Variants in HEATR4 observed in about 807,000 individuals in gnomAD.
The protein encoded by HEATR4 is HEAT repeat containing 4.
HEATR4 carries 95 observed loss-of-function variants against 108.8 expected under a neutral mutation model. That is an observed-to-expected ratio of 0.87 (90% CI 0.74 to 1.04). The LOEUF is 1.04. Among genes scored for constraint, HEATR4 ranks in the 50% least tolerant of loss-of-function variants. The probability of loss-of-function intolerance (pLI) is 0.00; values close to 1 mark genes in which losing one functional copy is unlikely to be tolerated. For synonymous variants in HEATR4, 443 were observed against 459.4 expected (o/e 0.96, Z 0.46); for missense variants, 1,152 against 1,253.8 (o/e 0.92, Z 1.23).
At chr14:73,535,700 C>T (rs71426979) in intron 1 of HEATR4, among the ~76,000 whole-genome samples, 37,331 of 109,810 alleles carry the variant, frequency 0.34, 14,434 homozygotes, top group Admixed American at 0.49. Context: ...AGGATGGTGT[C>T]GATCTGCTGA....
chr14:73,558,476 T>C (rs1889441340), intron 1 of HEATR4, among the ~76,000 whole-genome samples: 1 of 135,360 alleles, frequency 7.4e-6, no homozygotes, highest in Non-Finnish European at 1.6e-5. Flanking sequence ...CCCACATAGC[T>C]GGGAGCATAG....
chr14:73,573,450 C>T, the HEATR4 span: 190 of 1,613,688 alleles, frequency 1.2e-4, no homozygotes, highest in Middle Eastern at 1.6e-4. Flanking sequence ...GCTGGAGTAT[C>T]GGGCTAGTCT....
At chr14:73,503,449 A>C (rs1211558847) in intron 10 of HEATR4, among the ~76,000 whole-genome samples, 1 of 152,152 alleles carries the variant, frequency 6.6e-6, no homozygotes, top group African/African-American at 2.4e-5. Context: ...ACAGTTGGTC[A>C]CTCTATAAGT....
the HEATR4 span, among the ~76,000 whole-genome samples, chr14:73,608,237 C>G: frequency 6.6e-6 from 1 of 152,180 alleles, no homozygotes; most frequent in Non-Finnish European, 1.5e-5. Flanking sequence ...TTTTTCTTTT[C>G]TATAGCATAG....
In HEATR4 at chr14:73,500,712, T is replaced by G; in HGVS notation, c.2124A>C (p.Gly708=). Residue 708 remains glycine (G), a synonymous_variant, in exon 12 of 18, where the codon GGA becomes GGC. Transcript: ENST00000553558. Reference sequence around the variant, plus strand: ...GAGCTTCCACACGCTCCTGGGAATTTCCTTGACCTAGCTTGACCCTGTAAG... The same window carrying G: ...GAGCTTCCACACGCTCCTGGGAATTGCCTTGACCTAGCTTGACCCTGTAAG... ...HDIIRVKLGQ[G]NSQERVEALY... is the part of the protein sequence containing the mutation. 6.2e-7 allele frequency: 1 copy of G among 1,614,000 alleles called. No individual in the cohort carries two copies. The highest frequency in any genetic ancestry group is 1.1e-5 in the South Asian group (1 of 91,076).
At chr14:73,595,461 C>G in the HEATR4 span, 1 of 1,614,226 alleles carries the variant, frequency 6.2e-7, no homozygotes, top group Non-Finnish European at 8.5e-7. Context: ...TACCCTGGGA[C>G]TGGGCATTAC....
chr14:73,591,177 G>A, the HEATR4 span, among the ~76,000 whole-genome samples: 6 of 152,140 alleles, frequency 3.9e-5, no homozygotes, highest in East Asian at 3.8e-4. Context: ...AGCCTGGGAG[G>A]TGGAGGCTGC....
the HEATR4 span, among the ~76,000 whole-genome samples, chr14:73,597,305 C>T: frequency 1.3e-5 from 2 of 151,478 alleles, no homozygotes; most frequent in East Asian, 2.0e-4. Context: ...AGGATGGTCT[C>T]GATCTCCTGA....
chr14:73,493,400 T>C (rs972644866), intron 16 of HEATR4: 3 of 373,760 alleles, frequency 8.0e-6, no homozygotes, highest in Non-Finnish European at 1.5e-5. Context: ...ATGTTTCCCT[T>C]TCCTAAGGCT....
In HEATR4 at chr14:73,534,878, C is replaced by T. The variant is rs1333311391; in HGVS notation, c.-151-4634G>A. Among the ~76,000 whole-genome samples, 4 of 106,920 alleles carry T rather than the reference C, an allele frequency of 3.7e-5. 1 individual carries two copies. The highest frequency in any genetic ancestry group is 1.2e-4 in the African/African-American group (4 of 32,742). 70.1% of individuals were successfully genotyped at this position (106,920 alleles called of 152,430 possible). ...GCTGGTATCGAATTCCTCCTGGGCTCAAGCAATCTCCTGCCTAGGCCTCCC... is the reference window on the plus strand; with the variant it reads ...GCTGGTATCGAATTCCTCCTGGGCTTAAGCAATCTCCTGCCTAGGCCTCCC... On this transcript the variant is annotated intron_variant, in intron 1 of 17. Transcript: ENST00000553558.
the HEATR4 span, chr14:73,595,153 T>C: frequency 2.5e-6 from 4 of 1,614,254 alleles, no homozygotes; most frequent in Non-Finnish European, 3.4e-6. Context: ...TTTCCATCAA[T>C]GGATCTGGGA....
the HEATR4 span, chr14:73,575,166 A>T: frequency 2.5e-5 from 29 of 1,169,888 alleles, no homozygotes; most frequent in Non-Finnish European, 3.3e-5. Context: ...TGACCAGAAG[A>T]GCTTCATTCC....
At chr14:73,567,454 G>A in the HEATR4 span, among the ~76,000 whole-genome samples, 38 of 152,028 alleles carry the variant, frequency 2.5e-4, no homozygotes, top group African/African-American at 8.4e-4. Context: ...GTTTGTAAAC[G>A]CACCAATCAG....
chr14:73,569,727 C>A, the HEATR4 span: 1 of 1,609,488 alleles, frequency 6.2e-7, no homozygotes, highest in East Asian at 2.2e-5. Context: ...CGTGCGAACG[C>A]CCTTGGCCGT....
chr14:73,592,149 C>G, the HEATR4 span: 6 of 1,593,414 alleles, frequency 3.8e-6, no homozygotes, highest in Non-Finnish European at 5.1e-6. Flanking sequence ...GGACCTGGAG[C>G]GCGCACCCGC....
the HEATR4 span, among the ~76,000 whole-genome samples, chr14:73,568,362 A>C: frequency 1.3e-5 from 2 of 151,774 alleles, no homozygotes; most frequent in African/African-American, 4.8e-5. Context: ...GAAAAAAAAA[A>C]ACACCACACC....
At chr14:73,572,743 T>G in the HEATR4 span, among the ~76,000 whole-genome samples, 1 of 148,592 alleles carries the variant, frequency 6.7e-6, no homozygotes, top group Non-Finnish European at 1.5e-5. Flanking sequence ...CCTCCCGGGT[T>G]CAAGCGATTC....
chr14:73,498,891 G>C (rs1007917637), intron 13 of HEATR4, among the ~76,000 whole-genome samples, 180 bp downstream of exon 13: 4 of 152,136 alleles, frequency 2.6e-5, no homozygotes, highest in Non-Finnish European at 5.9e-5. Context: ...CTAGACTCAG[G>C]ATCTTTCACT....
rs749724917 is a variant in HEATR4 at position 73,498,350 on chromosome 14, G to A, written c.2357-6C>T. On this transcript the variant is annotated splice_region_variant and splice_polypyrimidine_tract_variant and intron_variant, in intron 13 of 17. Coordinates refer to ENST00000553558, the MANE Select transcript of HEATR4 (RefSeq NM_001220484.1). ...TTGCCCAATCTGTCCCAAAGCTGCA[G>A]AGATTAGAGGGCAGCATGTCACTGA... 2 of 1,580,574 alleles carry A rather than the reference G, an allele frequency of 1.3e-6. No individual in the cohort carries two copies. Among genetic ancestry groups the A allele is most frequent in the Admixed American group, 1.7e-5 (1 of 57,222 alleles).
Sources: allele counts gnomAD v4.1 joint callset (sites outside exome capture counted in the v4.1 genomes callset), GRCh38; gene constraint gnomAD v4.1.1; transcripts MANE v1.5; gene names NCBI Gene and HGNC (gene_info 2026-07-23, HGNC 2026-07-21).